Variants in ANKIB1 observed in about 807,000 individuals in gnomAD.
The protein encoded by ANKIB1 is ankyrin repeat and IBR domain containing 1, also known as ankyrin repeat and IBR domain-containing protein 1.
A neutral mutation model predicts 122.1 loss-of-function variants in ANKIB1; 43 were observed. The ratio of observed to expected loss-of-function variants is 0.35; its 90% CI spans 0.28 to 0.45. The LOEUF is 0.45. ANKIB1 is among the 20% of genes least tolerant of loss of function. The pLI is 1.00. For synonymous variants in ANKIB1, 390 were observed against 442.0 expected (o/e 0.88, Z 1.48); for missense variants, 992 against 1,329.5 (o/e 0.75, Z 3.95).
intron 1 of ANKIB1, among the ~76,000 whole-genome samples, chr7:92,275,875 A>G (rs987085660): frequency 6.6e-6 from 1 of 152,178 alleles, no homozygotes; most frequent in African/African-American, 2.4e-5. Context: ...ATCACTGTAC[A>G]TGTCTCTTTG....
intron 6 of ANKIB1, among the ~76,000 whole-genome samples, chr7:92,344,193 G>GTTTTTTT (rs67933063): frequency 1.0e-4 from 10 of 97,684 alleles, no homozygotes; most frequent in Middle Eastern, 6.3e-3. Flanking sequence ...TGTGTTTTTG[G>GTTTTTTT]TTTTTTTTTT....
At chr7:92,361,319 A>G (rs1295584290) in intron 9 of ANKIB1, among the ~76,000 whole-genome samples, 1 of 152,232 alleles carries the variant, frequency 6.6e-6, no homozygotes, top group African/African-American at 2.4e-5. Flanking sequence ...AAATTCCAAT[A>G]AAAGTAAATT....
At chr7:92,384,990 A>C (rs1332482726) in intron 11 of ANKIB1, among the ~76,000 whole-genome samples, 1 of 152,228 alleles carries the variant, frequency 6.6e-6, no homozygotes. Context: ...TACCCATCTG[A>C]CAAGGGGCTA....
intron 1 of ANKIB1, among the ~76,000 whole-genome samples, chr7:92,263,567 G>A (rs865916949): frequency 9.9e-5 from 15 of 152,088 alleles, no homozygotes; most frequent in African/African-American, 3.6e-4. Flanking sequence ...TAATATCTCT[G>A]GGGTAGCTAA....
At chr7:92,329,322 T>C (rs1803105852) in intron 5 of ANKIB1, among the ~76,000 whole-genome samples, 2 of 152,114 alleles carry the variant, frequency 1.3e-5, no homozygotes, top group Admixed American at 6.5e-5. Flanking sequence ...TCCCACCTTA[T>C]ATACCTGTAG....
At chr7:92,348,685 C>T (rs2131981714) in intron 7 of ANKIB1, among the ~76,000 whole-genome samples, 1 of 152,076 alleles carries the variant, frequency 6.6e-6, no homozygotes, top group South Asian at 2.1e-4. Flanking sequence ...TGCCAGGCCA[C>T]AATATACCTT....
intron 1 of ANKIB1, among the ~76,000 whole-genome samples, chr7:92,248,512 G>A (rs1801248201): frequency 6.6e-6 from 1 of 152,200 alleles, no homozygotes. Context: ...TCATATATAA[G>A]TAGATGGAAG....
At chr7:92,307,724 GTTTT>G in intron 3 of ANKIB1, 68 bp downstream of exon 3, 2 of 935,622 alleles carry the variant, frequency 2.1e-6, no homozygotes, top group South Asian at 4.0e-5. Flanking sequence ...TAACTGTCAG[GTTTT>G]TTTTTTTTTG....
At chr7:92,301,943 CT>C (rs35818557) in intron 2 of ANKIB1, among the ~76,000 whole-genome samples, 64 of 145,100 alleles carry the variant, frequency 4.4e-4, no homozygotes, top group Middle Eastern at 3.5e-3. Flanking sequence ...TTCCTTTTTT[CT>C]TTTTTTTTTT....
chr7:92,342,990 T>C (rs1803467947), intron 5 of ANKIB1, 34 bp from the exon 6 acceptor site: 1 of 1,586,888 alleles, frequency 6.3e-7, no homozygotes, highest in African/African-American at 1.3e-5. Flanking sequence ...CATATTTTCT[T>C]TTTTGAGAGC....
At chr7:92,255,791 C>T (rs141230826) in intron 1 of ANKIB1, among the ~76,000 whole-genome samples, 7 of 151,942 alleles carry the variant, frequency 4.6e-5, no homozygotes, top group Admixed American at 2.6e-4. Context: ...GTTATTTATA[C>T]GCAAACGGAA....
intron 1 of ANKIB1, among the ~76,000 whole-genome samples, chr7:92,277,945 G>C (rs529057121): frequency 1.3e-5 from 2 of 152,116 alleles, no homozygotes; most frequent in Non-Finnish European, 2.9e-5. Flanking sequence ...TTAGCCCAGC[G>C]TGGTGGCAGG....
chr7:92,309,297 C>A (rs1585100131), intron 3 of ANKIB1, among the ~76,000 whole-genome samples: 1 of 152,266 alleles, frequency 6.6e-6, no homozygotes, highest in Non-Finnish European at 1.5e-5. Flanking sequence ...GTTGTCCAGG[C>A]TGGTCTCAAA....
intron 5 of ANKIB1, among the ~76,000 whole-genome samples, chr7:92,332,182 C>G (rs546197864): frequency 2.4e-4 from 36 of 152,264 alleles, no homozygotes; most frequent in African/African-American, 8.7e-4. Flanking sequence ...CATCTCTTCT[C>G]TGTTGTTTAG....
At chr7:92,293,694 G>A (rs766300747) in intron 1 of ANKIB1, among the ~76,000 whole-genome samples, 1 of 152,146 alleles carries the variant, frequency 6.6e-6, no homozygotes, top group Non-Finnish European at 1.5e-5. Context: ...AGGTTAAAGT[G>A]TAAGTTCCTT....
chr7:92,381,795 T>C (rs913209920), intron 11 of ANKIB1, among the ~76,000 whole-genome samples: 5 of 152,050 alleles, frequency 3.3e-5, no homozygotes, highest in Non-Finnish European at 5.9e-5. Flanking sequence ...ACATGCCAAA[T>C]TGTAAAGACC....
chr7:92,378,906 A>T (rs12536421), intron 11 of ANKIB1, among the ~76,000 whole-genome samples: 1 of 151,980 alleles, frequency 6.6e-6, no homozygotes. Flanking sequence ...AACAACCTTC[A>T]TGTGTATCAA....
At chr7:92,358,083 A>AC in intron 9 of ANKIB1, among the ~76,000 whole-genome samples, 1 of 152,172 alleles carries the variant, frequency 6.6e-6, no homozygotes. Flanking sequence ...TCTACTAAAA[A>AC]TACAAAAAAT....
chr7:92,307,016 A>G (rs920816478), intron 2 of ANKIB1, among the ~76,000 whole-genome samples: 1 of 152,218 alleles, frequency 6.6e-6, no homozygotes, highest in African/African-American at 2.4e-5. Context: ...TATAATTGAC[A>G]TTAATCTGTA....
Sources: allele counts gnomAD v4.1 joint callset (sites outside exome capture counted in the v4.1 genomes callset), GRCh38; gene constraint gnomAD v4.1.1; transcripts MANE v1.5; gene names NCBI Gene and HGNC (gene_info 2026-07-23, HGNC 2026-07-21).